CLMN: variants seen among roughly 807,000 people sequenced by gnomAD.
CLMN encodes calmin, also known as calmin (calponin-like, transmembrane).
A neutral mutation model predicts 92.7 loss-of-function variants in CLMN; 57 were observed. That is an observed-to-expected ratio of 0.61 (90% CI 0.50 to 0.77). The LOEUF (loss-of-function observed/expected upper bound fraction) is 0.77. CLMN is among the 30% of genes least tolerant of loss of function. The pLI is 0.00. For missense variants in CLMN, 1,158 were observed against 1,237.5 expected, an observed-to-expected ratio of 0.94 and a Z score of 0.96; for synonymous variants, 466 against 470.6, an observed-to-expected ratio of 0.99 and a Z score of 0.13.
At chr14:95,304,848 C>A (rs1324524164) in intron 1 of CLMN, among the ~76,000 whole-genome samples, 5 of 152,134 alleles carry the variant, frequency 3.3e-5, no homozygotes, top group African/African-American at 1.2e-4. Flanking sequence ...AAGACCCTTC[C>A]ATGGGGAGCC....
chr14:95,292,816 GCTCCAAA>G (rs1900628773), intron 1 of CLMN, among the ~76,000 whole-genome samples: 6 of 152,246 alleles, frequency 3.9e-5, no homozygotes, highest in Admixed American at 3.9e-4. Context: ...GCGAGATGAA[GCTCCAAA>G]AGCGCAGGCC....
intron 9 of CLMN, among the ~76,000 whole-genome samples, chr14:95,198,017 G>A (rs1896768343): frequency 6.6e-6 from 1 of 150,490 alleles, no homozygotes; most frequent in South Asian, 2.1e-4. Flanking sequence ...AGTCCCTTTG[G>A]CTGGGAAAAT....
intron 1 of CLMN, among the ~76,000 whole-genome samples, chr14:95,311,621 A>G (rs1044756919): frequency 2.0e-5 from 3 of 152,206 alleles, no homozygotes; most frequent in African/African-American, 7.2e-5. Flanking sequence ...CCAAATAAAA[A>G]GAGGGACAGA....
chr14:95,256,015 T>C lies in CLMN; in HGVS notation c.83-25882A>G, dbSNP rs1037754848. Among the ~76,000 whole-genome samples the C allele has an allele frequency of 6.6e-6, 1 of 152,204 alleles. No homozygotes were observed. The highest frequency in any genetic ancestry group is 2.4e-5 in the African/African-American group (1 of 41,456). On this transcript the variant is annotated intron_variant, in intron 1 of 12. Coordinates refer to ENST00000298912, the MANE Select transcript of CLMN (RefSeq NM_024734.4). This position sits in a 1 kb window ranked among gnomAD's most constrained non-coding sequence, Gnocchi z 4.9. Reference sequence around the variant, plus strand: ...TTTTAACCCTATGAGGCAGCTACTATCCTTATCCCCATTTTACAAATGAGG... The same window carrying C: ...TTTTAACCCTATGAGGCAGCTACTACCCTTATCCCCATTTTACAAATGAGG...
rs145035555 is a variant in CLMN at position 95,234,542 on chromosome 14, G to A, written c.83-4409C>T. 1.5e-3 allele frequency among the ~76,000 whole-genome samples: 226 copies of A among 152,336 alleles called. 1 individual carries two copies. Among genetic ancestry groups the A allele is most frequent in the African/African-American group, 5.0e-3 (208 of 41,574 alleles). On this transcript the variant is annotated intron_variant, in intron 1 of 12. Coordinates refer to ENST00000298912, the MANE Select transcript of CLMN (RefSeq NM_024734.4). ...TTCTCACAGAGTGTTTGTGGGGCCC[G>A]GTGTGGGTTTAATGGGCAAGGATAG...
chr14:95,316,494 A>T (rs1901777234), intron 1 of CLMN, among the ~76,000 whole-genome samples: 1 of 152,220 alleles, frequency 6.6e-6, no homozygotes, highest in South Asian at 2.1e-4. Context: ...GGGAGGGGCC[A>T]TCACTCTGCC....
chr14:95,278,426 G>A (rs556204187), intron 1 of CLMN, among the ~76,000 whole-genome samples: 27 of 145,650 alleles, frequency 1.9e-4, no homozygotes, highest in Admixed American at 1.9e-3. Context: ...TTATCTTCTT[G>A]CCACTCTTGA....
intron 1 of CLMN, among the ~76,000 whole-genome samples, chr14:95,247,985 C>T (rs540714208): frequency 1.5e-4 from 23 of 152,212 alleles, no homozygotes; most frequent in South Asian, 8.3e-4. Flanking sequence ...TACACCCTAA[C>T]CCTTGGGTTT....
chr14:95,258,800 T>C (rs1408349810), intron 1 of CLMN, among the ~76,000 whole-genome samples: 2 of 118,794 alleles, frequency 1.7e-5, no homozygotes, highest in Admixed American at 8.3e-5. Context: ...GTATGTGTGG[T>C]GTGGTTGTAT....
chr14:95,240,046 A>G (rs947614780), intron 1 of CLMN, among the ~76,000 whole-genome samples: 1 of 152,246 alleles, frequency 6.6e-6, no homozygotes, highest in Non-Finnish European at 1.5e-5. Flanking sequence ...CAAGCTATAC[A>G]GGAGTCTAGG....
intron 1 of CLMN, among the ~76,000 whole-genome samples, chr14:95,265,558 G>A (rs1168015793): frequency 6.6e-6 from 1 of 152,144 alleles, no homozygotes; most frequent in African/African-American, 2.4e-5. Flanking sequence ...AATATGCATA[G>A]GTATGACTCC....
At chr14:95,229,812 C>A (rs969567453) in intron 2 of CLMN, among the ~76,000 whole-genome samples, 3 of 152,132 alleles carry the variant, frequency 2.0e-5, no homozygotes, top group African/African-American at 2.4e-5. Context: ...CTTCCACCAT[C>A]TGCTCAGATT....
In CLMN at chr14:95,279,969, GTTGT is replaced by G. The variant is rs1326224603; in HGVS notation, c.82+39738_82+39741del. ...AGATTATAAGGCATCAGAATATGTT[GTTGT>G]TTTTTTTTTTTGCCTAGTATAAAGG... is the stretch of plus-strand genomic sequence containing the variant. On this transcript the variant is annotated intron_variant, in intron 1 of 12. Coordinates refer to ENST00000298912, the MANE Select transcript of CLMN (RefSeq NM_024734.4). Among the ~76,000 whole-genome samples the G allele has an allele frequency of 1.7e-4, 23 of 131,566 alleles. 2 individuals are homozygous for G. The highest frequency in any genetic ancestry group is 1.6e-3 in the Admixed American group (22 of 13,806). 86.3% of individuals were successfully genotyped at this position (131,566 alleles called of 152,430 possible). A position where few individuals can be genotyped will look rare whatever the true frequency, so the allele number is the denominator to read the frequency against.
intron 1 of CLMN, among the ~76,000 whole-genome samples, chr14:95,253,777 T>C (rs998300759): frequency 6.6e-6 from 1 of 151,996 alleles, no homozygotes; most frequent in Non-Finnish European, 1.5e-5. Context: ...CACTCCTGGC[T>C]AATTTTTTTT....
At position 95,263,123 on chromosome 14, in the gene CLMN, A is replaced by G. The variant is rs142701110; in HGVS notation, c.83-32990T>C. Among the ~76,000 whole-genome samples the G allele has an allele frequency of 2.4e-3, 373 of 152,310 alleles. 1 individual carries two copies. The highest frequency in any genetic ancestry group is 8.7e-3 in the African/African-American group (361 of 41,564). On this transcript the variant is annotated intron_variant, in intron 1 of 12. Transcript: ENST00000298912. Reference sequence around the variant, plus strand: ...CATACCCGAGACTGGCTAATTTATAAAGGAAATAAGTTTAATTGACTCACA... The same window carrying G: ...CATACCCGAGACTGGCTAATTTATAGAGGAAATAAGTTTAATTGACTCACA...
intron 1 of CLMN, among the ~76,000 whole-genome samples, chr14:95,273,383 A>C (rs1899790587): frequency 1.3e-5 from 2 of 151,732 alleles, no homozygotes; most frequent in Non-Finnish European, 2.9e-5. Flanking sequence ...CTCCCTATTC[A>C]CTCCTACCCT....
chr14:95,206,090 A>G (rs1055734267), intron 8 of CLMN, among the ~76,000 whole-genome samples: 6 of 152,230 alleles, frequency 3.9e-5, no homozygotes, highest in African/African-American at 1.4e-4. Flanking sequence ...AAGGAAAAAA[A>G]TGGAAAAAGT....
rs192804741 is a variant in CLMN, at chr14:95,208,205, G to A, written c.885+1190C>T. On this transcript the variant is annotated intron_variant, in intron 8 of 12. Transcript: ENST00000298912. ...TTTTTGCTCACTTATAACTGTTTCC[G>A]TTACTAGAACAACGCTCCACAAGGC... Among the ~76,000 whole-genome samples, 135 of 152,108 alleles carry A rather than the reference G, an allele frequency of 8.9e-4. 1 individual carries two copies. The Middle Eastern group carries it at 0.01, about 11-fold the overall frequency.
At chr14:95,235,867 A>G (rs1024545203) in intron 1 of CLMN, among the ~76,000 whole-genome samples, 4 of 152,176 alleles carry the variant, frequency 2.6e-5, no homozygotes, top group African/African-American at 9.7e-5. Flanking sequence ...GCGCTCGCCC[A>G]GACGTTCGGG....
Sources: gnomAD v4.1 joint callset for allele counts (sites outside exome capture counted in the v4.1 genomes callset) on GRCh38, gnomAD v4.1.1 for gene constraint, Gnocchi (gnomAD v3.1) non-coding constraint, MANE v1.5 for transcripts, NCBI Gene and HGNC (gene_info 2026-07-23, HGNC 2026-07-21) for gene names.